The following GOLGA4 variants were observed in gnomAD, a reference collection of about 807,000 sequenced individuals.
GOLGA4 encodes the protein golgin subfamily A member 4.
Under a neutral mutation model 265.9 loss-of-function variants are expected in GOLGA4, and 169 were observed. The observed-to-expected ratio is 0.64, with a 90% confidence interval of 0.56 to 0.72. GOLGA4 has a LOEUF of 0.72. Among genes scored for constraint, GOLGA4 ranks in the 30% least tolerant of loss-of-function variants. The probability of loss-of-function intolerance (pLI) is 0.00; values close to 1 mark genes in which losing one functional copy is unlikely to be tolerated. For synonymous variants in GOLGA4, 923 were observed against 855.8 expected, an observed-to-expected ratio of 1.08 and a Z score of -1.37; for missense variants, 2,482 against 2,483.4, an observed-to-expected ratio of 1.00 and a Z score of 0.01.
intron 3 of GOLGA4, among the ~76,000 whole-genome samples, chr3:37,284,817 C>T (rs999555632): frequency 6.6e-5 from 10 of 152,078 alleles, no homozygotes; most frequent in South Asian, 2.1e-4. Flanking sequence ...AGGCACACAC[C>T]ACCACACCTG....
At chr3:37,308,258 AAAAG>A (rs1335587198) in intron 10 of GOLGA4, among the ~76,000 whole-genome samples, 1 of 151,794 alleles carries the variant, frequency 6.6e-6, no homozygotes, top group Non-Finnish European at 1.5e-5. Flanking sequence ...AACAAAAAGA[AAAAG>A]AAAATTCGGA....
intron 2 of GOLGA4, among the ~76,000 whole-genome samples, chr3:37,263,423 T>TC (rs959967365): frequency 7.9e-5 from 12 of 152,110 alleles, no homozygotes; most frequent in African/African-American, 2.9e-4. Context: ...TCCTTACTGA[T>TC]CCAACCAGGA....
In GOLGA4 at chr3:37,323,767, G is replaced by T. The variant is rs1454697371; in HGVS notation, c.1881G>T (p.Trp627Cys). 6.2e-7 allele frequency: 1 copy of T among 1,610,942 alleles called. No homozygotes were observed. Among genetic ancestry groups the T allele is most frequent in the South Asian group, 1.1e-5 (1 of 89,894 alleles). ...TTAAGCATCAGCAGGATGCCCTTTGGACTGAAAAACTCCAAGTCTTAAAGC... is the reference window on the plus strand; with the variant it reads ...TTAAGCATCAGCAGGATGCCCTTTGTACTGAAAAACTCCAAGTCTTAAAGC... Reference protein sequence around the residue: ...ESLKHQQDALWTEKLQVLKQQ... With the variant: ...ESLKHQQDALCTEKLQVLKQQ... The change falls in exon 14 of 24, where the codon TGG becomes TGT. Residue 627 changes from tryptophan (W) to cysteine (C), a missense_variant. Around this residue, in one of 3 missense-constraint regions of GOLGA4, gnomAD observed 1,536 missense variants for 1,483.7 expected, o/e 1.04. Coordinates refer to ENST00000361924, the MANE Select transcript of GOLGA4 (RefSeq NM_002078.5).
At chr3:37,302,655 C>T (rs1274293251) in intron 10 of GOLGA4, 1 of 211,980 alleles carries the variant, frequency 4.7e-6, no homozygotes. Context: ...TGGCCCCTTA[C>T]AGAAAATGTG....
chr3:37,345,386 CA>C (rs1183676044), intron 20 of GOLGA4, among the ~76,000 whole-genome samples: 1 of 152,164 alleles, frequency 6.6e-6, no homozygotes, highest in African/African-American at 2.4e-5. Context: ...ATCTGTAACA[CA>C]CAATTAAAAT....
At chr3:37,337,052 C>T (rs907487913) in intron 17 of GOLGA4, 91 bp from the exon 18 acceptor site, 46 of 845,386 alleles carry the variant, frequency 5.4e-5, no homozygotes, top group Admixed American at 2.5e-5. Flanking sequence ...ACCCTGACTT[C>T]CTTTTTCCTT....
chr3:37,289,118 G>T (rs2150807260), intron 4 of GOLGA4, 117 bp from the exon 5 acceptor site: 1 of 617,488 alleles, frequency 1.6e-6, no homozygotes, highest in South Asian at 2.3e-5. Flanking sequence ...CTATCTTCAG[G>T]TTATTTTTGG....
chr3:37,331,309 A>G (rs1307323492), intron 16 of GOLGA4, among the ~76,000 whole-genome samples: 4 of 152,168 alleles, frequency 2.6e-5, no homozygotes, highest in Non-Finnish European at 5.9e-5. Context: ...GTTTTAGGGT[A>G]GCTAGTGCCT....
intron 5 of GOLGA4, among the ~76,000 whole-genome samples, chr3:37,289,546 C>A (rs1383593204): frequency 6.6e-6 from 1 of 152,200 alleles, no homozygotes; most frequent in Non-Finnish European, 1.5e-5. Flanking sequence ...GCGTCAACTT[C>A]CAAGGGTTAA....
intron 1 of GOLGA4, among the ~76,000 whole-genome samples, chr3:37,248,753 G>A (rs1173811092): frequency 6.6e-6 from 1 of 152,178 alleles, no homozygotes; most frequent in African/African-American, 2.4e-5. Context: ...CTCCAGAGCT[G>A]ATGAGGCTCT....
At chr3:37,322,583 A>T (rs944936716) in intron 13 of GOLGA4, among the ~76,000 whole-genome samples, 1 of 152,178 alleles carries the variant, frequency 6.6e-6, no homozygotes, top group Non-Finnish European at 1.5e-5. Flanking sequence ...AAAAGGTTCC[A>T]TGGTGGGTGA....
intron 10 of GOLGA4, among the ~76,000 whole-genome samples, chr3:37,309,759 A>G (rs1158259780): frequency 3.3e-5 from 5 of 152,340 alleles, no homozygotes; most frequent in Admixed American, 3.3e-4. Flanking sequence ...TTCTGCATTT[A>G]ATCCGTTGTG....
In GOLGA4 at chr3:37,317,752, C is replaced by T. The variant is rs1216687824; in HGVS notation, c.1414-1311C>T. Among the ~76,000 whole-genome samples, 15 of 152,058 alleles carry T rather than the reference C, an allele frequency of 9.9e-5. No individual in the cohort carries two copies. In the South Asian group the frequency reaches 1.7e-3, roughly 17 times the overall value. On this transcript the variant is annotated intron_variant, in intron 11 of 23. Coordinates refer to ENST00000361924, the MANE Select transcript of GOLGA4 (RefSeq NM_002078.5). Reference sequence around the variant, plus strand: ...TAAATATTTTTTTCTATTTATTTGGCGAAATCCTTGACTCACTTTTCTATT... The same window carrying T: ...TAAATATTTTTTTCTATTTATTTGGTGAAATCCTTGACTCACTTTTCTATT...
chr3:37,357,345 G>A (rs1229742243), intron 22 of GOLGA4, among the ~76,000 whole-genome samples: 1 of 152,058 alleles, frequency 6.6e-6, no homozygotes, highest in Non-Finnish European at 1.5e-5. Flanking sequence ...TAGTTGTTAT[G>A]GGAAATATAG....
intron 1 of GOLGA4, chr3:37,249,655 C>T (rs766088974): frequency 1.3e-5 from 2 of 152,188 alleles, no homozygotes; most frequent in Non-Finnish European, 2.9e-5. Flanking sequence ...CTGCACATAG[C>T]TAATTTCATC....
intron 1 of GOLGA4, chr3:37,249,763 T>C (rs955671000): frequency 6.6e-6 from 1 of 152,208 alleles, no homozygotes; most frequent in Admixed American, 6.5e-5. Flanking sequence ...AAATAATTTA[T>C]TGAAGACTCT....
chr3:37,355,996 T>C (rs901977723), intron 22 of GOLGA4, among the ~76,000 whole-genome samples: 1 of 152,094 alleles, frequency 6.6e-6, no homozygotes, highest in Non-Finnish European at 1.5e-5. Flanking sequence ...ATCTTTTCCT[T>C]AATGGTGGGT....
At chr3:37,265,276 CTGAAAGAAAACTAAAGCACAGAAGAT>C (rs1402416328) in intron 2 of GOLGA4, among the ~76,000 whole-genome samples, 1 of 152,032 alleles carries the variant, frequency 6.6e-6, no homozygotes, top group Non-Finnish European at 1.5e-5. Context: ...TATACAGTTT[CTGAAAGAAAACTAAAGCACAGAAGAT>C]AATATATACC....
intron 21 of GOLGA4, among the ~76,000 whole-genome samples, chr3:37,350,927 G>A (rs1302648171): frequency 6.6e-6 from 1 of 152,078 alleles, no homozygotes; most frequent in Non-Finnish European, 1.5e-5. Context: ...CTATGTTGAT[G>A]GCTCTTGACT....
Sources: gnomAD v4.1 joint callset for allele counts (sites outside exome capture counted in the v4.1 genomes callset) on GRCh38, gnomAD v4.1.1 for gene constraint, gnomAD v4.1.1 regional missense constraint, MANE v1.5 for transcripts, NCBI Gene and HGNC (gene_info 2026-07-23, HGNC 2026-07-21) for gene names.